RPE65: variants seen among roughly 807,000 people sequenced by gnomAD.
The protein encoded by RPE65 is retinoid isomerohydrolase RPE65.
A neutral mutation model predicts 68.5 loss-of-function variants in RPE65; 58 were observed. The observed-to-expected ratio is 0.85, with a 90% CI of 0.69 to 1.05. RPE65 has a LOEUF of 1.05. Ranked by LOEUF, RPE65 falls within the 50% of genes least tolerant of loss-of-function variation. RPE65 has a pLI of 0.00. For missense variants in RPE65, 643 were observed against 629.9 expected, an observed-to-expected ratio of 1.02 and a Z score of -0.22; for synonymous variants, 220 against 222.2, an observed-to-expected ratio of 0.99 and a Z score of 0.09.
At chr1:68,431,219 T>C in intron 12 of RPE65, 43 bp from the exon 13 acceptor site, 2 of 1,602,308 alleles carry the variant, frequency 1.2e-6, no homozygotes, top group Non-Finnish European at 1.7e-6. Flanking sequence ...TCAGTCAATA[T>C]GCTTTACTTG....
chr1:68,444,187 A>C (rs1181588943), intron 5 of RPE65, among the ~76,000 whole-genome samples: 1 of 152,212 alleles, frequency 6.6e-6, no homozygotes, highest in African/African-American at 2.4e-5. Flanking sequence ...GAATGAATGA[A>C]TATGTTAGGC....
At chr1:68,445,670 C>T (rs1420783763) in intron 3 of RPE65, among the ~76,000 whole-genome samples, 3 of 152,010 alleles carry the variant, frequency 2.0e-5, no homozygotes, top group Non-Finnish European at 4.4e-5. Context: ...TGTACCACCA[C>T]GCCCGGCTAA....
At position 68,444,827 on chromosome 1, in the gene RPE65, G is replaced by A. The variant is rs1444234037; in HGVS notation, c.302C>T (p.Thr101Ile). 6.2e-7 allele frequency: 1 copy of A among 1,613,944 alleles called. No homozygotes were observed. The highest frequency in any genetic ancestry group is 8.5e-7 in the Non-Finnish European group (1 of 1,180,026). The change falls in exon 4 of 14, where the codon ACA becomes ATA. Residue 101 changes from threonine (T) to isoleucine (I), a missense_variant. By Grantham distance (89) the Thr-to-Ile change is moderately conservative. Coordinates refer to ENST00000262340, the MANE Select transcript of RPE65 (RefSeq NM_000329.3). ...RAMTEKRIVITEFGTCAFPDP... is the reference protein window; with the variant it reads ...RAMTEKRIVIIEFGTCAFPDP... The stretch of plus-strand genomic sequence containing the variant: ...TGGGAAAGCACAGGTGCCAAATTCT[G>A]TTATGACGATCCTTTTCTCAGTCAT...
At chr1:68,431,216 A>G in intron 12 of RPE65, 40 bp from the exon 13 acceptor site, 1 of 1,606,686 alleles carries the variant, frequency 6.2e-7, no homozygotes, top group Non-Finnish European at 8.5e-7. Context: ...CAATCAGTCA[A>G]TATGCTTTAC....
intron 9 of RPE65, among the ~76,000 whole-genome samples, 163 bp from the exon 10 acceptor site, chr1:68,438,479 G>C (rs1329094137): frequency 6.6e-6 from 1 of 152,098 alleles, no homozygotes; most frequent in South Asian, 2.1e-4. Context: ...CGCCCACACA[G>C]GATGAAAATA....
chr1:68,439,572 A>T lies in RPE65; in HGVS notation c.714T>A (p.Ser238=), dbSNP rs1159440503. ...QFPCSDRFKP[S]YVHSFGLTPN... is the part of the protein sequence containing the mutation. ...GGCCTTCAAGTTACCTATGAACGTA[A>T]GATGGCTTGAATCGGTCACTGCAGG... Residue 238 remains serine, a synonymous_variant, in exon 7 of 14, where the codon TCT becomes TCA. Transcript: ENST00000262340. 1 of 1,613,992 alleles carries T rather than the reference A, an allele frequency of 6.2e-7. No homozygotes were observed. Among genetic ancestry groups the T allele is most frequent in the South Asian group, 1.1e-5 (1 of 91,088 alleles).
At position 68,431,171 on chromosome 1, in the gene RPE65, A is replaced by C. The variant is rs1252785686; in HGVS notation, c.1344T>G (p.Cys448Trp). The C allele has an allele frequency of 6.2e-7, 1 of 1,613,694 alleles. No individual in the cohort carries two copies. The highest frequency in any genetic ancestry group is 1.7e-5 in the Admixed American group (1 of 59,950). The change falls in exon 13 of 14, where the codon TGT (cysteine) becomes TGG (tryptophan). Residue 448 changes from cysteine to tryptophan, a missense_variant. Cys to Trp is a radical substitution (Grantham distance 215). Coordinates refer to ENST00000262340, the MANE Select transcript of RPE65 (RefSeq NM_000329.3). ...TTTCTTTAGTTTTGACATTCAGCTT[A>C]CAGAGCTGTTTGTGAGAAAGAAAAA... is the stretch of plus-strand genomic sequence containing the variant. The part of the protein sequence containing the change: ...GLNHFVPDRL[C>W]KLNVKTKETW...
Position 68,448,719 on chromosome 1 carries a change from A to G in RPE65, c.12-13T>C, listed in dbSNP as rs751845928. ...AGGATGCTCAACCCTGAAATGGTGG[A>G]AGAATAAGGAAGAAGCCCATGTTGA... On this transcript the variant is annotated splice_polypyrimidine_tract_variant and intron_variant, in intron 1 of 13. Transcript: ENST00000262340. The G allele has an allele frequency of 3.7e-6, 6 of 1,608,980 alleles. No individual in the cohort carries two copies. Among genetic ancestry groups the G allele is most frequent in the Non-Finnish European group, 4.2e-6 (5 of 1,176,804 alleles).
chr1:68,447,797 C>G (rs1645953096), intron 2 of RPE65, among the ~76,000 whole-genome samples: 1 of 152,134 alleles, frequency 6.6e-6, no homozygotes, highest in East Asian at 1.9e-4. Flanking sequence ...TTGCAGTGAG[C>G]TGAGATCATC....
chr1:68,440,769 G>A, intron 6 of RPE65, 84 bp downstream of exon 6: 2 of 1,542,938 alleles, frequency 1.3e-6, no homozygotes, highest in Non-Finnish European at 1.8e-6. Flanking sequence ...ATGCTATTCT[G>A]ACATTCTTAT....
Position 68,429,715 on chromosome 1 carries a change from T to C in RPE65, c.*61A>G. 3 of 1,604,262 alleles carry C rather than the reference T, an allele frequency of 1.9e-6. No homozygotes were observed. Among genetic ancestry groups the C allele is most frequent in the Non-Finnish European group, 2.6e-6 (3 of 1,172,620 alleles). ...AGGCTAAAATTGAACAGAATTTGAT[T>C]GCAGACCTGAAGCTGATTTTCTCAG... is the stretch of plus-strand genomic sequence containing the variant. On this transcript the variant is annotated 3_prime_UTR_variant, in exon 14 of 14. Transcript: ENST00000262340.
At chr1:68,430,400 G>A (rs1047266236) in intron 13 of RPE65, among the ~76,000 whole-genome samples, 9 of 152,174 alleles carry the variant, frequency 5.9e-5, no homozygotes, top group Non-Finnish European at 8.8e-5. Context: ...GACTTCCTTC[G>A]AACAAAATGA....
chr1:68,437,068 A>G (rs1038104702), intron 10 of RPE65, among the ~76,000 whole-genome samples: 3 of 152,208 alleles, frequency 2.0e-5, no homozygotes, highest in African/African-American at 4.8e-5. Context: ...TCTGTCTTCC[A>G]TGATGCTGCC....
chr1:68,444,703 TA>T, intron 4 of RPE65, 31 bp from the exon 5 acceptor site: 1 of 1,614,176 alleles, frequency 6.2e-7, no homozygotes, highest in South Asian at 1.1e-5. Flanking sequence ...TTCAGTCCAG[TA>T]ATTTTCAAGC....
Position 68,440,867 on chromosome 1 carries a change from G to T in RPE65, c.629C>A (p.Pro210Gln). The T allele has an allele frequency of 6.2e-7, 1 of 1,613,830 alleles. No homozygotes were observed. The highest frequency in any genetic ancestry group is 2.2e-5 in the East Asian group (1 of 44,884). ...FSIAYNIVKI[P>Q]PLQADKEDPI... is the part of the protein sequence containing the mutation. ...GGTAAACTCACCTGCTTGCAGTGGT[G>T]GGATCTTTACAATGTTGTAGGCAAT... The change falls in exon 6 of 14, where the codon CCA becomes CAA. Residue 210 changes from proline (P) to glutamine (Q), a missense_variant. Transcript: ENST00000262340.
chr1:68,431,098 C>G lies in RPE65; in HGVS notation c.1417G>C (p.Val473Leu), dbSNP rs148859816. ...TCTTCCAAGGCATCTGGGTGAGAAA[C>G]AAAGATGGGTTCTGATGGGTATGAA... is the stretch of plus-strand genomic sequence containing the variant. ...PDSYPSEPIF[V>L]SHPDALEEDD... Residue 473 changes from valine (V) to leucine (L), a missense_variant, in exon 13 of 14, where the codon GTT becomes CTT. Coordinates refer to ENST00000262340, the MANE Select transcript of RPE65 (RefSeq NM_000329.3). 4.3e-6 allele frequency: 7 copies of G among 1,613,760 alleles called. No homozygotes were observed. The Admixed American group carries it at 1.2e-4, about 27-fold the overall frequency.
At chr1:68,438,707 C>T (rs558231803) in intron 9 of RPE65, among the ~76,000 whole-genome samples, 3 of 152,270 alleles carry the variant, frequency 2.0e-5, no homozygotes, top group Non-Finnish European at 4.4e-5. Context: ...TCTCAGGTCA[C>T]AGAATCTTTT....
chr1:68,439,149 T>C (rs771297879), intron 8 of RPE65, 42 bp downstream of exon 8: 92 of 1,613,880 alleles, frequency 5.7e-5, no homozygotes, highest in Middle Eastern at 1.6e-4. Flanking sequence ...TAAACACATC[T>C]TCTTCAGAAT....
At chr1:68,437,080 G>C (rs1477359294) in intron 10 of RPE65, among the ~76,000 whole-genome samples, 1 of 152,134 alleles carries the variant, frequency 6.6e-6, no homozygotes, top group Non-Finnish European at 1.5e-5. Flanking sequence ...GATGCTGCCA[G>C]AGTAACTTTC....
Sources: gnomAD v4.1 joint callset for allele counts (sites outside exome capture counted in the v4.1 genomes callset) on GRCh38, gnomAD v4.1.1 for gene constraint, MANE v1.5 for transcripts, NCBI Gene and HGNC (gene_info 2026-07-23, HGNC 2026-07-21) for gene names.